CTNND2: variants seen among roughly 807,000 people sequenced by gnomAD.
The protein encoded by CTNND2 is catenin delta 2, also known as catenin delta-2.
CTNND2 carries 22 observed loss-of-function variants against 144.4 expected under a neutral mutation model. The observed-to-expected ratio is 0.15, with a 90% confidence interval of 0.11 to 0.22. The LOEUF (loss-of-function observed/expected upper bound fraction) is 0.22, where lower values mean the gene tolerates loss of function less well. CTNND2 is among the 10% of genes least tolerant of loss of function. The pLI, the probability that CTNND2 is intolerant of heterozygous loss-of-function variation, is 1.00. For synonymous variants in CTNND2, 751 were observed against 695.6 expected (o/e 1.08, Z -1.25); for missense variants, 1,353 against 1,618.8 (o/e 0.84, Z 2.82).
At chr5:11,550,565 A>G (rs1775665751) in intron 3 of CTNND2, among the ~76,000 whole-genome samples, 1 of 152,222 alleles carries the variant, frequency 6.6e-6, no homozygotes, top group African/African-American at 2.4e-5. Context: ...TGCATAAGAC[A>G]AAGGAATAAT....
At chr5:11,119,275 A>C (rs1484353701) in intron 12 of CTNND2, among the ~76,000 whole-genome samples, 1 of 152,238 alleles carries the variant, frequency 6.6e-6, no homozygotes, top group East Asian at 1.9e-4. Context: ...ATACCTAAAA[A>C]GTTCCACAGA....
At chr5:11,348,455 AAG>A (rs1755021109) in intron 8 of CTNND2, among the ~76,000 whole-genome samples, 1 of 145,658 alleles carries the variant, frequency 6.9e-6, no homozygotes, top group African/African-American at 2.5e-5. Context: ...AAAAAAAAAA[AAG>A]AAAAAAGAAA....
chr5:11,283,897 C>T (rs903568653), intron 9 of CTNND2, among the ~76,000 whole-genome samples: 4 of 152,166 alleles, frequency 2.6e-5, no homozygotes, highest in African/African-American at 9.7e-5. Flanking sequence ...CCATGCAATG[C>T]GGACCTTGTG....
intron 1 of CTNND2, among the ~76,000 whole-genome samples, chr5:11,802,754 TTTC>T (rs1451891569): frequency 6.6e-6 from 1 of 152,224 alleles, no homozygotes; most frequent in Non-Finnish European, 1.5e-5. Context: ...TGATTATCTA[TTTC>T]TTCTTTTTAT....
chr5:11,069,369 G>A (rs1035889908), intron 16 of CTNND2, among the ~76,000 whole-genome samples: 1 of 152,134 alleles, frequency 6.6e-6, no homozygotes, highest in African/African-American at 2.4e-5. Context: ...ATTTGTCTTG[G>A]AATATGGGTT....
chr5:11,122,837 C>G (rs556279823), intron 12 of CTNND2, among the ~76,000 whole-genome samples: 6 of 152,054 alleles, frequency 3.9e-5, no homozygotes. Context: ...ATACTTAGTA[C>G]AGCCTTGATG....
At chr5:11,256,392 G>A (rs896994995) in intron 9 of CTNND2, among the ~76,000 whole-genome samples, 10 of 152,110 alleles carry the variant, frequency 6.6e-5, no homozygotes, top group Non-Finnish European at 8.8e-5. Flanking sequence ...CACTTGTCAC[G>A]TTGAAACTTG....
chr5:11,353,412 G>A (rs1580992559), intron 8 of CTNND2, among the ~76,000 whole-genome samples: 1 of 152,216 alleles, frequency 6.6e-6, no homozygotes, highest in African/African-American at 2.4e-5. Flanking sequence ...ATTTTGAAGT[G>A]CAATATGTTT....
intron 11 of CTNND2, among the ~76,000 whole-genome samples, chr5:11,186,948 G>A (rs1030315230): frequency 4.6e-5 from 7 of 152,062 alleles, no homozygotes; most frequent in African/African-American, 9.7e-5. Flanking sequence ...TAGACTGGAC[G>A]GTACGTAGCA....
chr5:11,481,974 G>A (rs1768313935), intron 3 of CTNND2, among the ~76,000 whole-genome samples: 1 of 152,132 alleles, frequency 6.6e-6, no homozygotes, highest in Admixed American at 6.5e-5. Flanking sequence ...CTTTTGCAAA[G>A]AACAGCACAC....
chr5:11,558,341 C>CACGTGTGTGT (rs1554083650), intron 3 of CTNND2, among the ~76,000 whole-genome samples: 1,339 of 132,150 alleles, frequency 0.01, 12 homozygotes, highest in Middle Eastern at 0.042. Flanking sequence ...GTGAGAAACA[C>CACGTGTGTGT]GTGTGTGTGT....
At chr5:11,139,888 C>T (rs1756547371) in intron 12 of CTNND2, among the ~76,000 whole-genome samples, 1 of 152,164 alleles carries the variant, frequency 6.6e-6, no homozygotes, top group East Asian at 1.9e-4. Context: ...CTGCCTTTCC[C>T]AGCTTCTACA....
intron 3 of CTNND2, among the ~76,000 whole-genome samples, chr5:11,460,828 G>A (rs944964590): frequency 1.3e-5 from 2 of 152,010 alleles, no homozygotes; most frequent in Admixed American, 6.6e-5. Flanking sequence ...GAGGTGGGCG[G>A]ATCATGAGGT....
intron 2 of CTNND2, among the ~76,000 whole-genome samples, chr5:11,619,993 T>C (rs1780757095): frequency 6.6e-6 from 1 of 152,232 alleles, no homozygotes; most frequent in African/African-American, 2.4e-5. Flanking sequence ...TAAAATAATG[T>C]ATGAAATGCA....
intron 13 of CTNND2, among the ~76,000 whole-genome samples, chr5:11,116,688 T>A (rs1458415663): frequency 2.6e-5 from 4 of 152,216 alleles, no homozygotes; most frequent in Non-Finnish European, 5.9e-5. Context: ...TTTATTTAGA[T>A]CTTGCAGGCC....
In CTNND2 at chr5:11,004,143, G is replaced by C. The variant is rs61350131; in HGVS notation, c.3085-11466C>G. On this transcript the variant is annotated intron_variant, in intron 18 of 21. Transcript: ENST00000304623. ...AATGCAAAAAACCAAAACAAACAAA[G>C]AAACGAAAACACCTGGGAAATTGAA... 4.3e-3 allele frequency among the ~76,000 whole-genome samples: 659 copies of C among 152,270 alleles called. 5 individuals are homozygous for C. Among genetic ancestry groups the C allele is most frequent in the African/African-American group, 0.015 (609 of 41,552 alleles).
chr5:11,368,863 T>G (rs1757210022), intron 7 of CTNND2, among the ~76,000 whole-genome samples: 1 of 152,140 alleles, frequency 6.6e-6, no homozygotes, highest in Admixed American at 6.5e-5. Context: ...ATAAATGGTA[T>G]TGTTGGAGGG....
intron 3 of CTNND2, among the ~76,000 whole-genome samples, chr5:11,514,031 G>A (rs1424005601): frequency 6.6e-6 from 1 of 152,112 alleles, no homozygotes; most frequent in South Asian, 2.1e-4. Context: ...TTTAAAAAAA[G>A]AATTAGCTAA....
intron 2 of CTNND2, among the ~76,000 whole-genome samples, chr5:11,600,279 A>C (rs914871298): frequency 6.6e-6 from 1 of 152,228 alleles, no homozygotes; most frequent in African/African-American, 2.4e-5. Context: ...CAGTATGTGA[A>C]GTACACTAAA....
Sources: allele counts gnomAD v4.1 joint callset (sites outside exome capture counted in the v4.1 genomes callset), GRCh38; gene constraint gnomAD v4.1.1; transcripts MANE v1.5; gene names NCBI Gene and HGNC (gene_info 2026-07-23, HGNC 2026-07-21).